The following NRXN2 variants were observed in gnomAD, a reference collection of about 807,000 sequenced individuals.
NRXN2 encodes neurexin 2.
NRXN2 carries 29 observed loss-of-function variants against 128.8 expected under a neutral mutation model. That is an observed-to-expected ratio of 0.23 (90% CI 0.17 to 0.31). The LOEUF is 0.31. Ranked by LOEUF, NRXN2 falls within the 10% of genes least tolerant of loss-of-function variation. NRXN2 has a pLI of 1.00. For synonymous variants in NRXN2, 1,098 were observed against 1,075.2 expected, an observed-to-expected ratio of 1.02 and a Z score of -0.41; for missense variants, 1,881 against 2,452.6, an observed-to-expected ratio of 0.77 and a Z score of 4.92.
intron 19 of NRXN2, 82 bp from the exon 20 acceptor site, chr11:64,626,634 G>T: frequency 1.0e-6 from 1 of 976,266 alleles, no homozygotes. Flanking sequence ...CAATCCTCAG[G>T]AGACTCAGAG....
At chr11:64,615,676 CACAGGCAT>C (rs1356487074) in intron 22 of NRXN2, among the ~76,000 whole-genome samples, 31 of 152,282 alleles carry the variant, frequency 2.0e-4, no homozygotes, top group Admixed American at 2.0e-3. Context: ...AGTGGGAGCA[CACAGGCAT>C]ACAGGCATGC....
In NRXN2 at chr11:64,651,542, G is replaced by A; in HGVS notation, c.2631C>T (p.Asn877=). Residue 877 remains asparagine (N), a synonymous_variant, in exon 14 of 23, where the codon AAC becomes AAT. Coordinates refer to ENST00000265459, the MANE Select transcript of NRXN2 (RefSeq NM_015080.4). This position sits in a 1 kb window ranked among gnomAD's most constrained non-coding sequence, Gnocchi z 5.9. ...ERRFISVVPS[N]FIGHLSGLVF... ...CGAGCCCACTCAGATGCCCGATGAA[G>A]TTGGAGGGCACCACGGAGATAAACC... 6.2e-7 allele frequency: 1 copy of A among 1,614,194 alleles called. No homozygotes were observed. Among genetic ancestry groups the A allele is most frequent in the Non-Finnish European group, 8.5e-7 (1 of 1,180,030 alleles).
rs1212544089 is a variant in NRXN2 at position 64,712,961 on chromosome 11, G to A, written c.730+9C>T. On this transcript the variant is annotated intron_variant, in intron 2 of 22. Coordinates refer to ENST00000265459, the MANE Select transcript of NRXN2 (RefSeq NM_015080.4). ...CCCAGGCACCGGGCGGCCGCTCCCC[G>A]GGGCTCACCTTCGCTGCAGAACTTG... 3 of 1,504,170 alleles carry A rather than the reference G, an allele frequency of 2.0e-6. No homozygotes were observed. Among genetic ancestry groups the A allele is most frequent in the Non-Finnish European group, 2.7e-6 (3 of 1,131,692 alleles). 93.2% of individuals were successfully genotyped at this position (1,504,170 alleles called of 1,614,324 possible).
chr11:64,650,368 G>A (rs544656295), intron 15 of NRXN2, 80 bp downstream of exon 15: 33 of 1,442,498 alleles, frequency 2.3e-5, no homozygotes, highest in African/African-American at 1.8e-4. Context: ...GGGAAGCAGC[G>A]TCGCAGGAAT....
chr11:64,694,073 A>G (rs923802372), intron 3 of NRXN2, among the ~76,000 whole-genome samples: 13 of 152,158 alleles, frequency 8.5e-5, no homozygotes, highest in African/African-American at 2.9e-4. Context: ...CTTGTCCCCA[A>G]CAGGCACCAG....
At chr11:64,686,526 G>C (rs1759349847) in intron 5 of NRXN2, among the ~76,000 whole-genome samples, 1 of 152,182 alleles carries the variant, frequency 6.6e-6, no homozygotes, top group Non-Finnish European at 1.5e-5. Context: ...GGGAGGTGGG[G>C]GAATGTGGGG....
intron 2 of NRXN2, among the ~76,000 whole-genome samples, chr11:64,704,617 CACACACAGAGAG>C (rs1285737029): frequency 3.6e-5 from 4 of 110,418 alleles, no homozygotes; most frequent in Non-Finnish European, 5.4e-5. Flanking sequence ...CACACACACA[CACACACAGAGAG>C]AGAGAGAGAG....
At chr11:64,696,524 T>TACACAC (rs1255803604) in intron 3 of NRXN2, among the ~76,000 whole-genome samples, 2 of 85,118 alleles carry the variant, frequency 2.3e-5, no homozygotes, top group African/African-American at 9.2e-5. Flanking sequence ...CACACATACA[T>TACACAC]ACATACACAC....
chr11:64,608,092 G>A lies in NRXN2; in HGVS notation c.4253-10C>T. 1 of 1,579,724 alleles carries A rather than the reference G, an allele frequency of 6.3e-7. No individual in the cohort carries two copies. Among genetic ancestry groups the A allele is most frequent in the East Asian group, 2.3e-5 (1 of 44,334 alleles). ...AATATTAACTCTCCTCCTAGAACAA[G>A]AGAGAGAAGAGAAAAGAGAGGGCGT... On this transcript the variant is annotated splice_polypyrimidine_tract_variant and intron_variant, in intron 22 of 22. Coordinates refer to ENST00000265459, the MANE Select transcript of NRXN2 (RefSeq NM_015080.4).
In NRXN2 at chr11:64,667,442, G is replaced by T. The variant is rs369788933; in HGVS notation, c.1606C>A (p.Arg536=). 1 of 1,614,134 alleles carries T rather than the reference G, an allele frequency of 6.2e-7. No individual in the cohort carries two copies. Among genetic ancestry groups the T allele is most frequent in the South Asian group, 1.1e-5 (1 of 91,078 alleles). Residue 536 remains arginine, a synonymous_variant, in exon 9 of 23, where the codon CGG becomes AGG. Transcript: ENST00000265459. The surrounding 1 kb of genome is among the most constrained non-coding windows in gnomAD (Gnocchi z 5.6). ...CTGCCAGCTCCACCCCCAGCCCGCC[G>T]GCCCTGGCTGAAGAGCAGCAGCCCA... The part of the protein sequence containing the change: ...PNGLLLFSQG[R]RAGGGAGSHS...
chr11:64,679,868 T>C (rs2051943227), intron 6 of NRXN2, among the ~76,000 whole-genome samples: 1 of 152,146 alleles, frequency 6.6e-6, no homozygotes, highest in African/African-American at 2.4e-5. Context: ...CTGGAACCCA[T>C]TCCTGGTGGC....
At chr11:64,634,548 G>A (rs773699539) in intron 18 of NRXN2, among the ~76,000 whole-genome samples, 12 of 152,122 alleles carry the variant, frequency 7.9e-5, no homozygotes, top group Non-Finnish European at 1.8e-4. Flanking sequence ...AGGAACCAAG[G>A]TCAAGGTGGG....
intron 2 of NRXN2, among the ~76,000 whole-genome samples, chr11:64,700,263 C>A (rs555379599): frequency 6.6e-6 from 1 of 152,282 alleles, no homozygotes; most frequent in African/African-American, 2.4e-5. Context: ...ATGTGTCCAC[C>A]CAGCAGTGCA....
intron 17 of NRXN2, among the ~76,000 whole-genome samples, chr11:64,640,337 CA>C (rs1280806767): frequency 6.6e-6 from 1 of 152,166 alleles, no homozygotes; most frequent in Non-Finnish European, 1.5e-5. Context: ...GTCCCTCAGC[CA>C]GTTCCTCTCT....
Position 64,668,561 on chromosome 11 carries a change from G to A in NRXN2, c.1241C>T (p.Thr414Met). ...VDGILTTTGY[T>M]QEDYTMLGSD... ...GCCCAGCATGGTGTAATCCTCCTGC[G>A]TGTAGCCTGTGGTGGTCAGGATCCC... The change falls in exon 8 of 23, where the codon ACG becomes ATG. Residue 414 changes from threonine to methionine, a missense_variant. This residue lies in a region of NRXN2 where 997 missense variants were observed against 1,240.8 expected (regional missense o/e 0.80). Coordinates refer to ENST00000265459, the MANE Select transcript of NRXN2 (RefSeq NM_015080.4). 3 of 1,614,020 alleles carry A rather than the reference G, an allele frequency of 1.9e-6. No homozygotes were observed. The highest frequency in any genetic ancestry group is 1.1e-5 in the South Asian group (1 of 91,078).
At chr11:64,721,003 G>T (rs1009227548) in intron 1 of NRXN2, among the ~76,000 whole-genome samples, 1 of 152,078 alleles carries the variant, frequency 6.6e-6, no homozygotes, top group Non-Finnish European at 1.5e-5. Context: ...CTGGGGGCAC[G>T]TAGTGGCCGT....
rs565646785 is a variant in NRXN2 at position 64,629,013 on chromosome 11, T to C, written c.3757+1389A>G. On this transcript the variant is annotated intron_variant, in intron 19 of 22. Transcript: ENST00000265459. ...TTAGGGGGCCACGCAGGCCTCTTTA[T>C]CTCCAGGGACTTTCCAGAAATGTCT... Among the ~76,000 whole-genome samples the C allele has an allele frequency of 8.5e-5, 13 of 152,156 alleles. 1 individual carries two copies. Among genetic ancestry groups the C allele is most frequent in the Admixed American group, 2.6e-4 (4 of 15,304 alleles).
intron 12 of NRXN2, among the ~76,000 whole-genome samples, chr11:64,652,726 G>T (rs1389874302): frequency 6.6e-6 from 1 of 152,066 alleles, no homozygotes; most frequent in Non-Finnish European, 1.5e-5. Flanking sequence ...ACACATGCCT[G>T]GTTAACGTCA....
chr11:64,708,877 G>A (rs2056605939), intron 2 of NRXN2, among the ~76,000 whole-genome samples: 1 of 152,156 alleles, frequency 6.6e-6, no homozygotes, highest in African/African-American at 2.4e-5. Context: ...AAGGGGTACT[G>A]TGAATTACTG....
Sources: gnomAD v4.1 joint callset for allele counts (sites outside exome capture counted in the v4.1 genomes callset) on GRCh38, gnomAD v4.1.1 for gene constraint, gnomAD v4.1.1 regional missense constraint, Gnocchi (gnomAD v3.1) non-coding constraint, MANE v1.5 for transcripts, NCBI Gene and HGNC (gene_info 2026-07-23, HGNC 2026-07-21) for gene names.